The following HMBOX1 variants were observed in gnomAD, a reference collection of about 807,000 sequenced individuals.
HMBOX1 encodes homeobox-containing protein 1.
In HMBOX1, 14 loss-of-function variants were observed where a neutral mutation model predicts 54.5. The observed-to-expected ratio is 0.26, with a 90% CI of 0.17 to 0.40. The LOEUF is 0.40. Among genes scored for constraint, HMBOX1 ranks in the 10% least tolerant of loss-of-function variants. HMBOX1 has a pLI of 1.00. For synonymous variants in HMBOX1, 160 were observed against 181.0 expected (o/e 0.88, Z 0.93); for missense variants, 332 against 514.4 (o/e 0.65, Z 3.43).
At chr8:28,890,144 C>A, upstream of HMBOX1, 1 of 522,738 alleles carries the variant, frequency 1.9e-6, no homozygotes. Context: ...GCCAATGCAT[C>A]CTCCCTCTCC....
chr8:28,996,180 T>C (rs971809210), intron 4 of HMBOX1, among the ~76,000 whole-genome samples: 1 of 152,200 alleles, frequency 6.6e-6, no homozygotes, highest in Non-Finnish European at 1.5e-5. Context: ...TGTTAAGAGT[T>C]CTTTATATAG....
chr8:28,957,540 A>G (rs974799435), intron 1 of HMBOX1, among the ~76,000 whole-genome samples: 8 of 151,256 alleles, frequency 5.3e-5, no homozygotes, highest in African/African-American at 1.5e-4. Context: ...AAACCTGCAC[A>G]TGTACCCCTT....
At chr8:29,016,012 T>G (rs979466859) in intron 5 of HMBOX1, among the ~76,000 whole-genome samples, 2 of 152,242 alleles carry the variant, frequency 1.3e-5, no homozygotes, top group Non-Finnish European at 2.9e-5. Flanking sequence ...AGCAGAAATG[T>G]TAAGTAGTTA....
intron 4 of HMBOX1, among the ~76,000 whole-genome samples, chr8:28,989,147 C>G (rs1350416366): frequency 6.6e-6 from 1 of 152,042 alleles, no homozygotes; most frequent in African/African-American, 2.4e-5. Context: ...TGGTGCTTGC[C>G]TGTAATCCCA....
At chr8:28,983,425 T>G (rs79273262) in intron 4 of HMBOX1, among the ~76,000 whole-genome samples, 1 of 152,222 alleles carries the variant, frequency 6.6e-6, no homozygotes, top group African/African-American at 2.4e-5. Flanking sequence ...CTCAGCCTTA[T>G]GAATTTCTGT....
intron 3 of HMBOX1, 59 bp from the exon 4 acceptor site, chr8:28,980,012 A>G: frequency 2.3e-6 from 3 of 1,286,100 alleles, no homozygotes; most frequent in Middle Eastern, 1.8e-4. Flanking sequence ...TTCTTTTAGC[A>G]AAGATGAGGA....
At chr8:28,908,545 A>G (rs1444363647) in intron 1 of HMBOX1, among the ~76,000 whole-genome samples, 1 of 152,214 alleles carries the variant, frequency 6.6e-6, no homozygotes. Flanking sequence ...ACCTGAGGTC[A>G]GGAGTTTGAC....
intron 1 of HMBOX1, among the ~76,000 whole-genome samples, chr8:28,936,491 GTACTTTTT>G (rs1428448172): frequency 6.6e-6 from 1 of 151,890 alleles, no homozygotes; most frequent in African/African-American, 2.4e-5. Context: ...TTTCCTCCGT[GTACTTTTT>G]TAATTGTGGT....
At chr8:29,010,863 T>C (rs778107218) in intron 5 of HMBOX1, among the ~76,000 whole-genome samples, 31 of 152,204 alleles carry the variant, frequency 2.0e-4, no homozygotes, top group Non-Finnish European at 3.5e-4. Flanking sequence ...CTTTTTTCTT[T>C]TAATGACATG....
intron 2 of HMBOX1, among the ~76,000 whole-genome samples, chr8:28,966,170 A>G (rs1207033813): frequency 6.6e-6 from 1 of 152,212 alleles, no homozygotes; most frequent in Non-Finnish European, 1.5e-5. Context: ...TTATGAAAGT[A>G]TATTCTAGAC....
chr8:28,997,474 T>C (rs1832035380), intron 4 of HMBOX1, among the ~76,000 whole-genome samples: 1 of 152,154 alleles, frequency 6.6e-6, no homozygotes, highest in Non-Finnish European at 1.5e-5. Flanking sequence ...ATCCTTTATA[T>C]TTATATATGT....
chr8:29,036,681 T>C (rs1803928617), intron 6 of HMBOX1, among the ~76,000 whole-genome samples: 2 of 152,228 alleles, frequency 1.3e-5, no homozygotes, highest in Admixed American at 1.3e-4. Context: ...AGGTGATTCA[T>C]TGACACAGAG....
chr8:28,947,249 T>C (rs1822632286), intron 1 of HMBOX1, among the ~76,000 whole-genome samples: 1 of 152,334 alleles, frequency 6.6e-6, no homozygotes, highest in East Asian at 1.9e-4. Context: ...TAAACTGTTG[T>C]CCTTGAGTTG....
At chr8:28,982,813 G>A (rs1829593597) in intron 4 of HMBOX1, among the ~76,000 whole-genome samples, 3 of 151,912 alleles carry the variant, frequency 2.0e-5, no homozygotes, top group South Asian at 2.1e-4. Flanking sequence ...TGTGGTAGGC[G>A]GGGTTTCACC....
chr8:28,900,918 A>C (rs1011813147), intron 1 of HMBOX1, among the ~76,000 whole-genome samples: 1 of 152,130 alleles, frequency 6.6e-6, no homozygotes, highest in Non-Finnish European at 1.5e-5. Flanking sequence ...TACTCTTAGA[A>C]TATTGAGCTG....
At chr8:28,928,802 A>G (rs1391227472) in intron 1 of HMBOX1, among the ~76,000 whole-genome samples, 3 of 152,214 alleles carry the variant, frequency 2.0e-5, no homozygotes, top group African/African-American at 4.8e-5. Context: ...CAGAAAGACA[A>G]ATTCCACATG....
chr8:29,046,235 G>A (rs1317828188), intron 7 of HMBOX1: 1 of 152,178 alleles, frequency 6.6e-6, no homozygotes. Flanking sequence ...CTGCTCCAGT[G>A]ACACACAAGT....
At chr8:28,939,296 A>T (rs910039479) in intron 1 of HMBOX1, among the ~76,000 whole-genome samples, 3 of 151,922 alleles carry the variant, frequency 2.0e-5, no homozygotes, top group Non-Finnish European at 2.9e-5. Context: ...TCTAAAAAAA[A>T]AAAAAAGAAA....
chr8:28,913,855 C>CTTTTT (rs1304959910), intron 1 of HMBOX1, among the ~76,000 whole-genome samples: 7 of 101,332 alleles, frequency 6.9e-5, no homozygotes, highest in African/African-American at 1.9e-4. Context: ...TCAAGTGATT[C>CTTTTT]TTTTTTTTTT....
Sources: allele counts gnomAD v4.1 joint callset (sites outside exome capture counted in the v4.1 genomes callset), GRCh38; gene constraint gnomAD v4.1.1; transcripts MANE v1.5; gene names NCBI Gene and HGNC (gene_info 2026-07-23, HGNC 2026-07-21).